The following CCDC178 variants were observed in gnomAD, a reference collection of about 807,000 sequenced individuals.
The protein encoded by CCDC178 is coiled-coil domain-containing protein 178.
CCDC178 carries 126 observed loss-of-function variants against 117.4 expected under a neutral mutation model. The observed-to-expected ratio is 1.07, with a 90% CI of 0.93 to 1.24. CCDC178 has a LOEUF of 1.24. CCDC178 is among the 50% of genes most tolerant of loss of function. The pLI, the probability that CCDC178 is intolerant of heterozygous loss-of-function variation, is 0.00. For missense variants in CCDC178, 1,030 were observed against 986.9 expected (o/e 1.04, Z -0.59); for synonymous variants, 283 against 313.4 (o/e 0.90, Z 1.02).
At chr18:33,053,560 G>A (rs1322228233) in intron 21 of CCDC178, among the ~76,000 whole-genome samples, 1 of 152,066 alleles carries the variant, frequency 6.6e-6, no homozygotes, top group Admixed American at 6.6e-5. Flanking sequence ...GTTTCCAGGG[G>A]TAAAAATAAT....
intron 5 of CCDC178, 125 bp from the exon 6 acceptor site, chr18:33,370,314 T>C: frequency 2.2e-6 from 1 of 451,738 alleles, no homozygotes; most frequent in Non-Finnish European, 3.8e-6. Context: ...ATAGAGAGGC[T>C]GAGAAATCTG....
chr18:33,237,124 C>T (rs1599036056), intron 15 of CCDC178, among the ~76,000 whole-genome samples: 1 of 152,136 alleles, frequency 6.6e-6, no homozygotes, highest in South Asian at 2.1e-4. Flanking sequence ...TAGAGTGTAC[C>T]CTTCTCTGGA....
intron 20 of CCDC178, among the ~76,000 whole-genome samples, chr18:33,150,588 A>G (rs888278155): frequency 2.0e-5 from 3 of 152,212 alleles, no homozygotes; most frequent in African/African-American, 7.2e-5. Context: ...TTATCAAAAG[A>G]AGATATGCAA....
At chr18:33,383,130 A>G (rs2063456649) in intron 5 of CCDC178, among the ~76,000 whole-genome samples, 1 of 152,280 alleles carries the variant, frequency 6.6e-6, no homozygotes, top group South Asian at 2.1e-4. Flanking sequence ...AGCTGTGGCC[A>G]GACTGCTTCT....
At chr18:33,155,838 AG>A (rs1054161494) in intron 20 of CCDC178, among the ~76,000 whole-genome samples, 5 of 152,136 alleles carry the variant, frequency 3.3e-5, no homozygotes, top group Non-Finnish European at 7.4e-5. Context: ...AGAAACATAA[AG>A]TCCTACATTA....
chr18:33,274,731 A>T (rs1442850015), intron 12 of CCDC178, among the ~76,000 whole-genome samples: 1 of 152,034 alleles, frequency 6.6e-6, no homozygotes, highest in African/African-American at 2.4e-5. Flanking sequence ...GTATTTTTCA[A>T]TGGGAAAAAA....
chr18:33,179,380 T>C (rs2058708131), intron 20 of CCDC178, among the ~76,000 whole-genome samples: 1 of 151,620 alleles, frequency 6.6e-6, no homozygotes, highest in East Asian at 1.9e-4. Flanking sequence ...CAGTAAATAC[T>C]TTTATTAACT....
chr18:33,034,621 G>T (rs2056407937), intron 21 of CCDC178, among the ~76,000 whole-genome samples: 1 of 152,040 alleles, frequency 6.6e-6, no homozygotes, highest in African/African-American at 2.4e-5. Flanking sequence ...ACCAGCCTAT[G>T]TTGCCTTCCC....
At chr18:33,118,248 G>A (rs1465882590) in intron 20 of CCDC178, among the ~76,000 whole-genome samples, 1 of 151,848 alleles carries the variant, frequency 6.6e-6, no homozygotes, top group Admixed American at 6.6e-5. Flanking sequence ...CTCCTAGTTG[G>A]GGCATTGTCC....
chr18:32,983,497 G>T (rs2055195542), intron 21 of CCDC178: 2 of 547,306 alleles, frequency 3.7e-6, no homozygotes, highest in Non-Finnish European at 6.4e-6. Flanking sequence ...AGAAAAAAAT[G>T]CTGTATCCTG....
chr18:33,078,987 G>C (rs1180691171), intron 21 of CCDC178, among the ~76,000 whole-genome samples: 2 of 152,066 alleles, frequency 1.3e-5, no homozygotes, highest in African/African-American at 4.8e-5. Context: ...CATGCAAAAA[G>C]AACAAAGGTG....
At chr18:33,172,237 A>C (rs977518088) in intron 20 of CCDC178, among the ~76,000 whole-genome samples, 3 of 152,174 alleles carry the variant, frequency 2.0e-5, no homozygotes, top group Non-Finnish European at 2.9e-5. Flanking sequence ...TACAATTAAT[A>C]CCACTTGATA....
Position 32,937,710 on chromosome 18 carries a change from A to C in CCDC178, c.*301T>G, listed in dbSNP as rs1415326893. The C allele has an allele frequency of 3.1e-6, 1 of 321,874 alleles. No individual in the cohort carries two copies. Among genetic ancestry groups the C allele is most frequent in the East Asian group, 5.8e-5 (1 of 17,212 alleles). The allele number at this position is 321,874 out of a possible 1,614,324, so 19.9% of individuals were successfully genotyped here. On this transcript the variant is annotated 3_prime_UTR_variant, in exon 23 of 23. Transcript: ENST00000383096. ...ACAGTCACTGTCAACACCGCCAGTAATTATTCTCTCTTCCAATTAATGGTG... is the reference window on the plus strand; with the variant it reads ...ACAGTCACTGTCAACACCGCCAGTACTTATTCTCTCTTCCAATTAATGGTG...
intron 10 of CCDC178, chr18:33,328,082 GA>G (rs59253851): frequency 0.057 from 14,106 of 248,618 alleles, 696 homozygotes; most frequent in Non-Finnish European, 0.073. Context: ...TTTATCCCTA[GA>G]TTTTTTTTTT....
chr18:33,211,814 G>A, intron 20 of CCDC178, 82 bp downstream of exon 20: 1 of 1,136,886 alleles, frequency 8.8e-7, no homozygotes, highest in Non-Finnish European at 1.3e-6. Context: ...GCTACTTCAG[G>A]ATAAAAATTG....
chr18:33,311,319 T>C (rs1473830904), intron 11 of CCDC178, among the ~76,000 whole-genome samples: 1 of 152,210 alleles, frequency 6.6e-6, no homozygotes. Context: ...AAAGTAAATT[T>C]AGAGCTAGAC....
At chr18:33,117,126 T>C (rs1201783747) in intron 20 of CCDC178, among the ~76,000 whole-genome samples, 1 of 152,116 alleles carries the variant, frequency 6.6e-6, no homozygotes, top group Admixed American at 6.6e-5. Context: ...AAGACAAATA[T>C]GTATTGCCCA....
At chr18:33,394,943 G>GTATGTGTATA (rs1555697671) in intron 4 of CCDC178, among the ~76,000 whole-genome samples, 2 of 61,498 alleles carry the variant, frequency 3.3e-5, no homozygotes, top group African/African-American at 6.0e-5. Context: ...ATATGTATGT[G>GTATGTGTATA]TATATATATA....
intron 20 of CCDC178, among the ~76,000 whole-genome samples, chr18:33,116,543 G>GT (rs1178663640): frequency 6.6e-6 from 1 of 152,142 alleles, no homozygotes; most frequent in African/African-American, 2.4e-5. Context: ...GGCAGCTGGA[G>GT]TGAGTTCTCA....
Sources: allele counts gnomAD v4.1 joint callset (sites outside exome capture counted in the v4.1 genomes callset), GRCh38; gene constraint gnomAD v4.1.1; transcripts MANE v1.5; gene names NCBI Gene and HGNC (gene_info 2026-07-23, HGNC 2026-07-21).